The following GLRA2 variants were observed in gnomAD, a reference collection of about 807,000 sequenced individuals.
GLRA2 encodes the protein glycine receptor alpha 2, also known as glycine receptor subunit alpha-2.
In GLRA2, 11 loss-of-function variants were observed where a neutral mutation model predicts 31.6. The observed-to-expected ratio is 0.35, with a 90% CI of 0.22 to 0.58. GLRA2 has a LOEUF of 0.58. GLRA2 is among the 20% of genes least tolerant of loss of function. The pLI, the probability that GLRA2 is intolerant of heterozygous loss-of-function variation, is 0.84. For synonymous variants in GLRA2, 132 were observed against 134.0 expected, an observed-to-expected ratio of 0.99 and a Z score of 0.10; for missense variants, 212 against 351.8, an observed-to-expected ratio of 0.60 and a Z score of 3.18.
At chrX:14,526,799 T>C (rs765413758), upstream of GLRA2, among the ~76,000 whole-genome samples, 1 of 112,141 alleles carries the variant, frequency 8.9e-6, no homozygotes, top group East Asian at 2.8e-4. Flanking sequence ...TTCTGTGTCA[T>C]GTACATAAAA....
chrX:14,654,249 G>A (rs1033557218), intron 7 of GLRA2, among the ~76,000 whole-genome samples: 1 of 111,659 alleles, frequency 9.0e-6, no homozygotes, highest in Non-Finnish European at 1.9e-5. Context: ...CCCTCTACCA[G>A]CAAAAAGATT....
intron 8 of GLRA2, among the ~76,000 whole-genome samples, chrX:14,695,909 G>A (rs1426482520): frequency 9.0e-6 from 1 of 111,002 alleles, no homozygotes; most frequent in Admixed American, 9.6e-5. Context: ...GAATGCTGAG[G>A]CAGAGGCAGT....
intron 7 of GLRA2, among the ~76,000 whole-genome samples, chrX:14,679,223 T>C (rs1218329828): frequency 9.2e-6 from 1 of 109,082 alleles, no homozygotes; most frequent in Non-Finnish European, 1.9e-5. Flanking sequence ...GTTCAAGAAA[T>C]GGAAATACCA....
chrX:14,593,387 A>G (rs2090165489), intron 4 of GLRA2, among the ~76,000 whole-genome samples: 1 of 112,191 alleles, frequency 8.9e-6, no homozygotes, highest in African/African-American at 3.2e-5. Context: ...GTTCCACATG[A>G]GATATACTCT....
At chrX:14,527,360 T>C (rs1044130285), upstream of GLRA2, among the ~76,000 whole-genome samples, 2 of 112,066 alleles carry the variant, frequency 1.8e-5, no homozygotes, top group Admixed American at 1.9e-4. Flanking sequence ...CTCACGCCTG[T>C]AATCCCAGCA....
intron 7 of GLRA2, among the ~76,000 whole-genome samples, chrX:14,668,655 A>T (rs2091058325): frequency 1.8e-5 from 2 of 112,279 alleles, no homozygotes; most frequent in African/African-American, 6.5e-5. Flanking sequence ...ACAAGAGAAG[A>T]GAGCTTGTGC....
At chrX:14,553,966 C>G (rs2089604333) in intron 2 of GLRA2, among the ~76,000 whole-genome samples, 1 of 112,314 alleles carries the variant, frequency 8.9e-6, no homozygotes, top group African/African-American at 3.2e-5. Context: ...ACATCCCTAA[C>G]AAATGACTTT....
chrX:14,665,383 C>T (rs1027511049), intron 7 of GLRA2, among the ~76,000 whole-genome samples: 1 of 112,049 alleles, frequency 8.9e-6, no homozygotes, highest in African/African-American at 3.2e-5. Flanking sequence ...CTTTCCCTTT[C>T]GTTTCCTCAT....
chrX:14,515,400 G>T, the GLRA2 span, among the ~76,000 whole-genome samples: 173 of 111,833 alleles, frequency 1.5e-3, no homozygotes, highest in African/African-American at 5.3e-3. Flanking sequence ...TAATCCTGAT[G>T]ATCCCAGTTT....
chrX:14,555,018 G>A (rs144548216), intron 2 of GLRA2, among the ~76,000 whole-genome samples: 7 of 112,134 alleles, frequency 6.2e-5, no homozygotes, highest in Admixed American at 2.8e-4. Flanking sequence ...ACTCACGATC[G>A]TTTGATTTAA....
In GLRA2 at chrX:14,690,757, G is replaced by C. The variant is rs951794334; in HGVS notation, c.978G>C (p.Leu326=). Reference sequence around the variant, plus strand: ...ACATCTGGATGGCGGTGTGCCTTCTGTTTGTGTTTGCTGCCTTACTGGAAT... The same window carrying C: ...ACATCTGGATGGCGGTGTGCCTTCTCTTTGTGTTTGCTGCCTTACTGGAAT... ...AIDIWMAVCL[L]FVFAALLEYA... Residue 326 remains leucine (L), a synonymous_variant, in exon 8 of 9, where the codon CTG becomes CTC. Transcript: ENST00000218075. 7.5e-6 allele frequency: 9 copies of C among 1,206,895 alleles called. No individual in the cohort carries two copies. In the East Asian group the frequency reaches 2.7e-4, roughly 36 times the overall value.
intron 2 of GLRA2, among the ~76,000 whole-genome samples, chrX:14,538,473 G>T (rs1388730782): frequency 1.3e-4 from 14 of 111,600 alleles, no homozygotes; most frequent in Non-Finnish European, 2.6e-4. Context: ...AGAAATTCGG[G>T]CATCTTAGAT....
chrX:14,494,634 G>A, the GLRA2 span, among the ~76,000 whole-genome samples: 2 of 111,278 alleles, frequency 1.8e-5, no homozygotes, highest in Non-Finnish European at 3.8e-5. Flanking sequence ...TGTTTCCTAC[G>A]ACTAGGGACT....
At chrX:14,614,555 T>G (rs2090434920) in intron 7 of GLRA2, among the ~76,000 whole-genome samples, 1 of 111,888 alleles carries the variant, frequency 8.9e-6, no homozygotes. Flanking sequence ...AACTTGTGCA[T>G]TATTGCCTTG....
intron 2 of GLRA2, among the ~76,000 whole-genome samples, chrX:14,561,305 A>G (rs1347831549): frequency 8.9e-6 from 1 of 112,223 alleles, no homozygotes; most frequent in East Asian, 2.8e-4. Context: ...GTCAGTCCTC[A>G]TTTCATCTAT....
chrX:14,633,560 T>C (rs2090675934), intron 7 of GLRA2, among the ~76,000 whole-genome samples: 2 of 112,133 alleles, frequency 1.8e-5, no homozygotes, highest in Non-Finnish European at 3.8e-5. Flanking sequence ...TAAGCTGATG[T>C]ATTTAGACAG....
At chrX:14,573,677 T>C (rs1349179507) in intron 2 of GLRA2, among the ~76,000 whole-genome samples, 1 of 109,141 alleles carries the variant, frequency 9.2e-6, no homozygotes, top group African/African-American at 3.3e-5. Flanking sequence ...CCAAAGCACA[T>C]CTAGGATGCA....
At chrX:14,685,596 A>T (rs1299841163) in intron 7 of GLRA2, among the ~76,000 whole-genome samples, 1 of 111,758 alleles carries the variant, frequency 8.9e-6, no homozygotes, top group Non-Finnish European at 1.9e-5. Flanking sequence ...TTTCTAGTTT[A>T]CTTGCGTAGA....
chrX:14,473,461 C>T, the GLRA2 span, among the ~76,000 whole-genome samples: 1 of 112,122 alleles, frequency 8.9e-6, no homozygotes, highest in Admixed American at 9.5e-5. Flanking sequence ...TATATTCATG[C>T]ACATGAACTA....
Sources: gnomAD v4.1 joint callset for allele counts (sites outside exome capture counted in the v4.1 genomes callset) on GRCh38, gnomAD v4.1.1 for gene constraint, MANE v1.5 for transcripts, NCBI Gene and HGNC (gene_info 2026-07-23, HGNC 2026-07-21) for gene names.